PHACTR1: variants seen among roughly 807,000 people sequenced by gnomAD.
PHACTR1 encodes the protein phosphatase and actin regulator 1, also known as RPEL repeat containing 1.
In PHACTR1, 16 loss-of-function variants were observed where a neutral mutation model predicts 69.2. That is an observed-to-expected ratio of 0.23 (90% CI 0.16 to 0.35). The LOEUF (loss-of-function observed/expected upper bound fraction) is 0.35. PHACTR1 is among the 10% of genes least tolerant of loss of function. The pLI is 1.00. For missense variants in PHACTR1, 510 were observed against 734.7 expected (o/e 0.69, Z 3.54); for synonymous variants, 312 against 284.5 (o/e 1.10, Z -0.97).
chr6:13,199,633 A>G (rs533174281), intron 7 of PHACTR1, among the ~76,000 whole-genome samples: 57 of 152,344 alleles, frequency 3.7e-4, no homozygotes, highest in African/African-American at 1.2e-3. Context: ...ACTATGTAGG[A>G]AAAGCTAATT....
In PHACTR1 at chr6:13,184,698, G is replaced by C. The variant is rs1324096960; in HGVS notation, c.664+2012G>C. 1.4e-5 allele frequency: 13 copies of C among 929,914 alleles called. No homozygotes were observed. The South Asian group carries it at 1.5e-4, about 11-fold the overall frequency. 57.6% of individuals were successfully genotyped at this position (929,914 alleles called of 1,614,324 possible). A position where few individuals can be genotyped will look rare whatever the true frequency, so the allele number is the denominator to read the frequency against. On this transcript the variant is annotated intron_variant, in intron 7 of 14. Coordinates refer to ENST00000332995, the MANE Select transcript of PHACTR1 (RefSeq NM_030948.6). Reference sequence around the variant, plus strand: ...TGGCGGCCTGAAGCATCGGTGCTCCGCTGTGTTGCCAGCCCGAGTCCCTGT... The same window carrying C: ...TGGCGGCCTGAAGCATCGGTGCTCCCCTGTGTTGCCAGCCCGAGTCCCTGT...
intron 5 of PHACTR1, among the ~76,000 whole-genome samples, chr6:13,158,855 G>A (rs1374976410): frequency 3.9e-5 from 6 of 152,210 alleles, no homozygotes; most frequent in East Asian, 1.9e-4. Context: ...ACTAAATTCC[G>A]TTGAGGGCAG....
chr6:12,777,873 C>T (rs1420754852), intron 4 of PHACTR1, among the ~76,000 whole-genome samples: 1 of 152,134 alleles, frequency 6.6e-6, no homozygotes. Flanking sequence ...CTCAGGTGAT[C>T]CACCTGCCTT....
At chr6:13,222,329 T>C (rs956732138) in intron 8 of PHACTR1, among the ~76,000 whole-genome samples, 1 of 152,246 alleles carries the variant, frequency 6.6e-6, no homozygotes, top group African/African-American at 2.4e-5. Flanking sequence ...ATCACTGATC[T>C]GGGCAAAGAA....
chr6:13,228,133 C>A lies in PHACTR1; in HGVS notation c.1234+70C>A. 2.0e-6 allele frequency: 3 copies of A among 1,505,872 alleles called. No homozygotes were observed. In the South Asian group the frequency reaches 3.8e-5, roughly 19 times the overall value. The allele number at this position is 1,505,872 out of a possible 1,614,324, so 93.3% of individuals were successfully genotyped here. On this transcript the variant is annotated intron_variant, in intron 9 of 14. Transcript: ENST00000332995. ...TTGTGGAAAGACAGCAGAGAGTGGACCCAGCAGCCCAGCAGTCTGGGTTCT... is the reference window on the plus strand; with the variant it reads ...TTGTGGAAAGACAGCAGAGAGTGGAACCAGCAGCCCAGCAGTCTGGGTTCT...
chr6:12,987,923 G>A (rs1448236491), intron 4 of PHACTR1, among the ~76,000 whole-genome samples: 1 of 152,154 alleles, frequency 6.6e-6, no homozygotes, highest in East Asian at 1.9e-4. Context: ...TGACTGCATG[G>A]ATGTTGTGAA....
At chr6:13,073,621 C>T (rs1809911701) in intron 5 of PHACTR1, among the ~76,000 whole-genome samples, 1 of 151,792 alleles carries the variant, frequency 6.6e-6, no homozygotes, top group African/African-American at 2.4e-5. Flanking sequence ...GGATTACTGG[C>T]ATGAGCCACC....
chr6:12,818,645 G>T (rs1048773337), intron 4 of PHACTR1, among the ~76,000 whole-genome samples: 4 of 152,134 alleles, frequency 2.6e-5, no homozygotes, highest in Non-Finnish European at 2.9e-5. Flanking sequence ...GCTATGAAAA[G>T]AATTCTTTAG....
intron 4 of PHACTR1, among the ~76,000 whole-genome samples, chr6:12,944,763 T>G (rs1790429768): frequency 8.4e-6 from 1 of 119,564 alleles, no homozygotes; most frequent in Non-Finnish European, 1.7e-5. Flanking sequence ...AATTATTTAT[T>G]TATTTATTTA....
intron 4 of PHACTR1, among the ~76,000 whole-genome samples, chr6:13,031,051 A>G (rs1802389159): frequency 6.6e-6 from 1 of 152,226 alleles, no homozygotes; most frequent in Non-Finnish European, 1.5e-5. Flanking sequence ...TATTTGGCCA[A>G]ATGTCTCATG....
chr6:12,958,464 A>G (rs1792189770), intron 4 of PHACTR1, among the ~76,000 whole-genome samples: 1 of 152,234 alleles, frequency 6.6e-6, no homozygotes, highest in Non-Finnish European at 1.5e-5. Context: ...GAAAAAGGAA[A>G]GACGACTTGG....
chr6:13,240,864 T>C (rs1198261425), intron 10 of PHACTR1, among the ~76,000 whole-genome samples: 1 of 152,170 alleles, frequency 6.6e-6, no homozygotes, highest in African/African-American at 2.4e-5. Flanking sequence ...AGATAAAGTG[T>C]TTCCCCATCA....
At chr6:12,743,097 T>C (rs1403856608) in intron 3 of PHACTR1, among the ~76,000 whole-genome samples, 1 of 151,960 alleles carries the variant, frequency 6.6e-6, no homozygotes, top group East Asian at 1.9e-4. Flanking sequence ...ATTGTTGCAT[T>C]ACCCATTCCC....
chr6:12,770,175 A>G lies in PHACTR1; in HGVS notation c.250+20385A>G, dbSNP rs573801412. 3.3e-5 allele frequency among the ~76,000 whole-genome samples: 5 copies of G among 152,304 alleles called. No individual in the cohort carries two copies. In the South Asian group the frequency reaches 8.3e-4, roughly 25 times the overall value. On this transcript the variant is annotated intron_variant, in intron 4 of 14. Transcript: ENST00000332995. ...TGGGGACTCTTAAACTGATTTTACAATTATTCCAGAGTGGGGATAGCAAGA... is the reference window on the plus strand; with the variant it reads ...TGGGGACTCTTAAACTGATTTTACAGTTATTCCAGAGTGGGGATAGCAAGA...
At chr6:12,766,583 G>A (rs891641701) in intron 4 of PHACTR1, among the ~76,000 whole-genome samples, 1 of 152,136 alleles carries the variant, frequency 6.6e-6, no homozygotes, top group African/African-American at 2.4e-5. Flanking sequence ...AATCAGTCAT[G>A]GAGGCAACAC....
intron 4 of PHACTR1, among the ~76,000 whole-genome samples, chr6:12,760,949 A>T (rs747787473): frequency 3.9e-5 from 6 of 152,128 alleles, no homozygotes; most frequent in Non-Finnish European, 7.3e-5. Context: ...AAACAAACAA[A>T]CAACAGAATC....
intron 4 of PHACTR1, among the ~76,000 whole-genome samples, chr6:12,770,677 C>A (rs574985052): frequency 6.6e-6 from 1 of 152,116 alleles, no homozygotes. Flanking sequence ...CCGAACTGGC[C>A]GTGGCAAGAC....
intron 4 of PHACTR1, among the ~76,000 whole-genome samples, chr6:13,050,138 T>C (rs1336002755): frequency 6.6e-6 from 1 of 152,232 alleles, no homozygotes; most frequent in African/African-American, 2.4e-5. Flanking sequence ...CTGCTGACAT[T>C]GTTGAAGAAG....
intron 4 of PHACTR1, among the ~76,000 whole-genome samples, chr6:13,031,190 C>T (rs1231902865): frequency 6.6e-6 from 1 of 152,146 alleles, no homozygotes; most frequent in Middle Eastern, 3.2e-3. Context: ...CCTGATTTCT[C>T]AGGATAGTCT....
Sources: gnomAD v4.1 joint callset for allele counts (sites outside exome capture counted in the v4.1 genomes callset) on GRCh38, gnomAD v4.1.1 for gene constraint, MANE v1.5 for transcripts, NCBI Gene and HGNC (gene_info 2026-07-23, HGNC 2026-07-21) for gene names.